Variants in RDM1 observed in about 807,000 individuals in gnomAD.
RDM1 encodes RAD52 motif-containing protein 1.
A neutral mutation model predicts 27.7 loss-of-function variants in RDM1; 28 were observed. The observed-to-expected ratio is 1.01, with a 90% confidence interval of 0.75 to 1.39. The LOEUF is 1.39. RDM1 is among the 40% of genes most tolerant of loss of function. The pLI is 0.00. For missense variants in RDM1, 277 were observed against 337.3 expected (o/e 0.82, Z 1.40); for synonymous variants, 124 against 127.5 (o/e 0.97, Z 0.19).
chr17:35,930,286 A>C (rs375253320), intron 1 of RDM1, 31 bp from the exon 2 acceptor site: 1 of 1,613,890 alleles, frequency 6.2e-7, no homozygotes, highest in African/African-American at 1.3e-5. Context: ...AATGCATGAA[A>C]TCTCACGCCC....
At chr17:35,928,189 C>T (rs1043278101) in intron 2 of RDM1, among the ~76,000 whole-genome samples, 1 of 152,066 alleles carries the variant, frequency 6.6e-6, no homozygotes, top group Non-Finnish European at 1.5e-5. Flanking sequence ...TTGAAATGGT[C>T]CTTGAAAAGG....
intron 4 of RDM1, 59 bp from the exon 5 acceptor site, chr17:35,922,734 G>T: frequency 7.3e-7 from 1 of 1,367,778 alleles, no homozygotes. Flanking sequence ...ATTGCTATAT[G>T]TTTAAAAAAT....
intron 2 of RDM1, among the ~76,000 whole-genome samples, chr17:35,929,276 T>A (rs1205221342): frequency 1.3e-5 from 2 of 152,158 alleles, no homozygotes; most frequent in South Asian, 2.1e-4. Flanking sequence ...CAGTCATTTT[T>A]TAGAGATAGG....
Position 35,918,283 on chromosome 17 carries a change from G to A in RDM1, c.*59C>T. 1 of 1,455,960 alleles carries A rather than the reference G, an allele frequency of 6.9e-7. No individual in the cohort carries two copies. Among genetic ancestry groups the A allele is most frequent in the Non-Finnish European group, 9.6e-7 (1 of 1,040,708 alleles). 90.2% of individuals were successfully genotyped at this position (1,455,960 alleles called of 1,614,324 possible). A position where few individuals can be genotyped will look rare whatever the true frequency, so the allele number is the denominator to read the frequency against. ...ATAGTGGTGGGGCGGCGTGGGGTAG[G>A]GGCACGACAGAGCTTCCCAAGGAAG... On this transcript the variant is annotated 3_prime_UTR_variant, in exon 7 of 7. Coordinates refer to ENST00000620284, the MANE Select transcript of RDM1 (RefSeq NM_145654.4).
chr17:35,924,204 G>C (rs183411042), intron 4 of RDM1, among the ~76,000 whole-genome samples: 1 of 152,026 alleles, frequency 6.6e-6, no homozygotes, highest in Non-Finnish European at 1.5e-5. Flanking sequence ...CTGGGCAACA[G>C]AGCAAGATCC....
Position 35,925,547 on chromosome 17 carries a change from C to G in RDM1, c.367G>C (p.Gly123Arg), listed in dbSNP as rs764346786. 6.8e-6 allele frequency: 11 copies of G among 1,613,688 alleles called. No individual in the cohort carries two copies. In the East Asian group the frequency reaches 2.2e-4, roughly 33 times the overall value. Residue 123 changes from glycine (G) to arginine (R), a missense_variant, in exon 3 of 7, where the codon GGT (glycine) becomes CGT (arginine). By Grantham distance (125) the Gly-to-Arg change is moderately radical (BLOSUM62 -2). Coordinates refer to ENST00000620284, the MANE Select transcript of RDM1 (RefSeq NM_145654.4). ...KCQELANYYF[G>R]FNGCSKRIIK... ...ATCCTTTTGGAACACCCATTGAAAC[C>G]AAAGTAGTAATTCGCCAGTTCTTGG...
chr17:35,927,382 G>C (rs1014126841), intron 2 of RDM1, among the ~76,000 whole-genome samples: 32 of 152,150 alleles, frequency 2.1e-4, no homozygotes, highest in African/African-American at 6.0e-4. Flanking sequence ...AGAGGCTGCA[G>C]TGAGCTGAGA....
chr17:35,921,154 C>G (rs2088931578), intron 5 of RDM1, among the ~76,000 whole-genome samples: 3 of 152,206 alleles, frequency 2.0e-5, no homozygotes, highest in African/African-American at 7.2e-5. Context: ...CTAGAGCCAT[C>G]AGGCTTTTGG....
intron 2 of RDM1, among the ~76,000 whole-genome samples, chr17:35,926,750 T>C (rs2089166662): frequency 6.6e-6 from 1 of 152,196 alleles, no homozygotes; most frequent in Non-Finnish European, 1.5e-5. Flanking sequence ...CCTCTATCAC[T>C]GGTTTATAAG....
intron 3 of RDM1, 129 bp downstream of exon 3, chr17:35,925,386 A>G: frequency 1.1e-6 from 1 of 949,886 alleles, no homozygotes. Flanking sequence ...AGACATGTCA[A>G]TTTATCCTCA....
intron 5 of RDM1, among the ~76,000 whole-genome samples, chr17:35,921,412 C>T (rs1273712269): frequency 6.6e-6 from 1 of 152,176 alleles, no homozygotes; most frequent in East Asian, 1.9e-4. Flanking sequence ...GCCTTTAGGG[C>T]TGTGAAGCAG....
At chr17:35,929,947 G>A (rs958435597) in intron 2 of RDM1, 129 bp downstream of exon 2, 4 of 883,582 alleles carry the variant, frequency 4.5e-6, no homozygotes, top group Admixed American at 2.3e-5. Context: ...AAAACCCAGA[G>A]AACTGGAAGA....
At chr17:35,926,120 G>A (rs1379253086) in intron 2 of RDM1, among the ~76,000 whole-genome samples, 2 of 146,588 alleles carry the variant, frequency 1.4e-5, no homozygotes, top group Admixed American at 6.9e-5. Context: ...GTGACAGAGT[G>A]AGACTGTCTC....
chr17:35,926,175 A>G (rs1276007059), intron 2 of RDM1, among the ~76,000 whole-genome samples: 1 of 146,980 alleles, frequency 6.8e-6, no homozygotes, highest in Non-Finnish European at 1.5e-5. Flanking sequence ...TAAATTTTAC[A>G]TGCAACTGAA....
Position 35,924,758 on chromosome 17 carries a change from A to G in RDM1, c.414T>C (p.Ser138=). The stretch of plus-strand genomic sequence containing the variant: ...CTTCATTTTCCCTTTCTTCAAGGTC[A>G]GAAAGCTCCTGAAGCTGTAAGGATA... ...SKRIIKLQEL[S]DLEERENEDS... is the part of the protein sequence containing the mutation. The change falls in exon 4 of 7, where the codon TCT becomes TCC. Residue 138 remains serine (S), a synonymous_variant. Transcript: ENST00000620284. The G allele has an allele frequency of 1.9e-6, 3 of 1,614,100 alleles. No individual in the cohort carries two copies. Among genetic ancestry groups the G allele is most frequent in the African/African-American group, 2.7e-5 (2 of 75,054 alleles).
At position 35,930,149 on chromosome 17, in the gene RDM1, TA is replaced by T. The variant is rs1192863604; in HGVS notation, c.202del (p.Tyr68IlefsTer42). The T allele has an allele frequency of 6.2e-7, 1 of 1,614,030 alleles. No homozygotes were observed. Among genetic ancestry groups the T allele is most frequent in the African/African-American group, 1.3e-5 (1 of 74,912 alleles). On this transcript the variant is annotated frameshift_variant, in exon 2 of 7. Coordinates refer to ENST00000620284, the MANE Select transcript of RDM1 (RefSeq NM_145654.4). LOFTEE classifies it high-confidence loss of function. ...HPGFYAVIKF[Y>X]SARAAHRAQK... ...GGCTCTGTGGGCAGCCCTTGCAGAA[TA>T]AAACTTAATGACGGCATAGAAACCA...
In RDM1 at chr17:35,930,660, C is replaced by A; in HGVS notation, c.68G>T (p.Ser23Ile). 2 of 1,613,852 alleles carry A rather than the reference C, an allele frequency of 1.2e-6. No individual in the cohort carries two copies. Among genetic ancestry groups the A allele is most frequent in the Non-Finnish European group, 1.7e-6 (2 of 1,180,010 alleles). Residue 23 changes from serine to isoleucine, a missense_variant, in exon 1 of 7, where the codon AGC (serine) becomes ATC (isoleucine). By Grantham distance (142) the Ser-to-Ile change is moderately radical. Coordinates refer to ENST00000620284, the MANE Select transcript of RDM1 (RefSeq NM_145654.4). ...CAAAGCCTCGGCCGTGGGTCCGGAG[C>A]TCAGCTCCCACACTAGCAAGGTTTT... ...SDKTLLVWEL[S>I]SGPTAEALHH...
chr17:35,927,709 T>A (rs1346964758), intron 2 of RDM1, among the ~76,000 whole-genome samples: 2 of 152,104 alleles, frequency 1.3e-5, no homozygotes, highest in Non-Finnish European at 2.9e-5. Context: ...CTCACCTATC[T>A]ATTGAGTTGT....
chr17:35,924,605 T>TTCCTCCACCTTATCCATAGGC lies in RDM1; in HGVS notation c.546_566dup (p.Pro183_Glu189dup), dbSNP rs1304225953. On this transcript the variant is annotated inframe_insertion and splice_region_variant, in exon 4 of 7. Coordinates refer to ENST00000620284, the MANE Select transcript of RDM1 (RefSeq NM_145654.4). ...CCTCCACTCCCAGTGAAAACAGACC[T>TTCCTCCACCTTATCCATAGGC]TCCTCCACCTTATCCATAGGCTCCT... is the stretch of plus-strand genomic sequence containing the variant. The TTCCTCCACCTTATCCATAGGC allele has an allele frequency of 3.7e-6, 6 of 1,610,498 alleles. 1 individual carries two copies. The Admixed American group carries it at 8.4e-5, about 22-fold the overall frequency.
Sources: gnomAD v4.1 joint callset for allele counts (sites outside exome capture counted in the v4.1 genomes callset) on GRCh38, gnomAD v4.1.1 for gene constraint, MANE v1.5 for transcripts, NCBI Gene and HGNC (gene_info 2026-07-23, HGNC 2026-07-21) for gene names.